Variants in FMN1 observed in about 807,000 individuals in gnomAD.
FMN1 encodes formin 1, also known as formin-1.
FMN1 carries 110 observed loss-of-function variants against 132.4 expected under a neutral mutation model. The observed-to-expected ratio is 0.83, with a 90% CI of 0.71 to 0.97. The LOEUF is 0.97. FMN1 is among the 50% of genes least tolerant of loss of function. FMN1 has a pLI of 0.00. For missense variants in FMN1, 1,792 were observed against 1,705.3 expected (o/e 1.05, Z -0.90); for synonymous variants, 722 against 651.7 (o/e 1.11, Z -1.64).
At position 33,155,045 on chromosome 15, in the gene FMN1, C is replaced by T; in HGVS notation, c.-131G>A. ...ACAGTCATCTCCAGCAATGAGACTGCCTGTTAGAGGAACAGGGGAAGAAAG... is the reference window on the plus strand; with the variant it reads ...ACAGTCATCTCCAGCAATGAGACTGTCTGTTAGAGGAACAGGGGAAGAAAG... On this transcript the variant is annotated splice_region_variant and 5_prime_UTR_variant, in exon 4 of 21. Transcript: ENST00000616417. The T allele has an allele frequency of 1.5e-6, 1 of 674,154 alleles. No individual in the cohort carries two copies. The highest frequency in any genetic ancestry group is 2.5e-6 in the Non-Finnish European group (1 of 405,604). 41.8% of individuals were successfully genotyped at this position (674,154 alleles called of 1,614,324 possible).
chr15:32,959,742 G>T (rs2030289158), intron 9 of FMN1, among the ~76,000 whole-genome samples: 1 of 152,106 alleles, frequency 6.6e-6, no homozygotes, highest in Non-Finnish European at 1.5e-5. Flanking sequence ...TATAAGAAAA[G>T]AAATAATAAA....
chr15:33,036,853 A>AC (rs2141097397), intron 6 of FMN1, among the ~76,000 whole-genome samples: 1 of 152,354 alleles, frequency 6.6e-6, no homozygotes, highest in African/African-American at 2.4e-5. Context: ...GTGCCAGAAT[A>AC]TCCATTTGTA....
intron 4 of FMN1, chr15:33,105,915 G>A (rs879431049): frequency 2.0e-5 from 3 of 152,024 alleles, no homozygotes; most frequent in African/African-American, 7.2e-5. Context: ...AGTGAGAAAG[G>A]GTTTGCAGTT....
intron 9 of FMN1, among the ~76,000 whole-genome samples, chr15:32,946,072 G>A (rs780835074): frequency 1.3e-5 from 2 of 152,184 alleles, no homozygotes; most frequent in East Asian, 1.9e-4. Flanking sequence ...AATATTCCAC[G>A]AAATGTTGGT....
At chr15:33,089,219 T>C (rs1718420559) in intron 4 of FMN1, among the ~76,000 whole-genome samples, 1 of 152,186 alleles carries the variant, frequency 6.6e-6, no homozygotes, top group South Asian at 2.1e-4. Context: ...CTATGCCCCA[T>C]ATTCTTGCTT....
intron 6 of FMN1, among the ~76,000 whole-genome samples, chr15:33,032,694 G>A (rs187948335): frequency 8.3e-4 from 127 of 152,278 alleles, no homozygotes; most frequent in African/African-American, 3.0e-3. Flanking sequence ...AAGCATTGAT[G>A]AGTTGATTTC....
At chr15:32,934,927 CTTT>C (rs71309472) in intron 9 of FMN1, among the ~76,000 whole-genome samples, 1 of 141,390 alleles carries the variant, frequency 7.1e-6, no homozygotes. Context: ...TTTTCTTTTT[CTTT>C]TTTTTTTTTT....
intron 4 of FMN1, among the ~76,000 whole-genome samples, chr15:33,126,459 C>T (rs773704953): frequency 4.6e-5 from 7 of 152,068 alleles, no homozygotes; most frequent in Non-Finnish European, 1.0e-4. Flanking sequence ...AGAGTGGATC[C>T]CATAACGTCC....
At chr15:33,190,163 C>G (rs1211051802) in intron 2 of FMN1, among the ~76,000 whole-genome samples, 1 of 152,194 alleles carries the variant, frequency 6.6e-6, no homozygotes. Context: ...TTTCTCCATT[C>G]TGGCTCAGCA....
chr15:33,036,709 A>G (rs1032431286), intron 6 of FMN1, among the ~76,000 whole-genome samples: 4 of 152,228 alleles, frequency 2.6e-5, no homozygotes, highest in African/African-American at 2.4e-5. Context: ...CAGGGTTATA[A>G]TAAGTATTAA....
intron 17 of FMN1, among the ~76,000 whole-genome samples, chr15:32,813,496 C>T (rs998871314): frequency 6.6e-6 from 1 of 152,092 alleles, no homozygotes; most frequent in Non-Finnish European, 1.5e-5. Flanking sequence ...ATTTACAATA[C>T]TGACAAAACA....
chr15:32,787,241 T>C (rs2056910720), intron 19 of FMN1, among the ~76,000 whole-genome samples: 2 of 152,234 alleles, frequency 1.3e-5, no homozygotes, highest in African/African-American at 2.4e-5. Flanking sequence ...GACTAGGCTA[T>C]GTGGAATGTT....
chr15:32,968,766 T>G lies in FMN1; in HGVS notation c.2935A>C (p.Ser979Arg). 1 of 1,605,992 alleles carries G rather than the reference T, an allele frequency of 6.2e-7. No individual in the cohort carries two copies. The highest frequency in any genetic ancestry group is 8.5e-7 in the Non-Finnish European group (1 of 1,177,016). ...CAATATAAAGGCTTCATGGGACAAC[T>G]GGGCTCGATGGCTGGTTTTCGAGGA... ...QCPRKPAIEP[S>R]CPMKPLYWTR... Residue 979 changes from serine to arginine, a missense_variant, in exon 8 of 21, where the codon AGT becomes CGT. Ser to Arg is a moderately radical substitution (Grantham distance 110). Transcript: ENST00000616417.
In FMN1 at chr15:33,065,029, G is replaced by A. The variant is rs1331712329; in HGVS notation, c.2089C>T (p.Leu697Phe). Residue 697 changes from leucine (L) to phenylalanine (F), a missense_variant, in exon 6 of 21, where the codon CTT becomes TTT. By Grantham distance (22) the Leu-to-Phe change is conservative (BLOSUM62 0). Transcript: ENST00000616417. ...TEQDDRTPGR[L>F]QAVWPPPKTK... is the part of the protein sequence containing the mutation. ...TTTGGGGGTGGCCAGACAGCTTGAA[G>A]TCTGCCAGGAGTCCTGTCATCCTGC... is the stretch of plus-strand genomic sequence containing the variant. The A allele has an allele frequency of 6.2e-7, 1 of 1,611,886 alleles. No individual in the cohort carries two copies. The highest frequency in any genetic ancestry group is 1.7e-5 in the Admixed American group (1 of 59,714).
At chr15:33,038,389 T>G (rs1276987793) in intron 6 of FMN1, among the ~76,000 whole-genome samples, 9 of 152,242 alleles carry the variant, frequency 5.9e-5, no homozygotes, top group Non-Finnish European at 1.3e-4. Flanking sequence ...ATGGTTCTTT[T>G]TCATCCCTTC....
At chr15:33,171,400 G>T (rs74633597) in intron 3 of FMN1, among the ~76,000 whole-genome samples, 6,058 of 152,194 alleles carry the variant, frequency 0.04, 148 homozygotes, top group East Asian at 0.1. Context: ...ATTGCTCAAG[G>T]AGACAGCTGT....
At position 32,928,203 on chromosome 15, in the gene FMN1, C is replaced by G. The variant is rs145374316; in HGVS notation, c.3139-1942G>C. 8.9e-4 allele frequency among the ~76,000 whole-genome samples: 136 copies of G among 151,998 alleles called. 1 individual carries two copies. Among genetic ancestry groups the G allele is most frequent in the African/African-American group, 3.2e-3 (132 of 41,472 alleles). ...TGTAAAGGAAAAAAATCTCATTTTT[C>G]AGTCAATATGTTTAAGCATGTCAAT... On this transcript the variant is annotated intron_variant, in intron 9 of 20. Transcript: ENST00000616417.
intron 9 of FMN1, among the ~76,000 whole-genome samples, chr15:32,957,321 T>G (rs2029911043): frequency 6.8e-6 from 1 of 147,952 alleles, no homozygotes; most frequent in Non-Finnish European, 1.5e-5. Context: ...TTTTTTTTTT[T>G]TTTTACAGGA....
rs1391871338 is a variant in FMN1, at chr15:33,072,846, C to T, written c.2044-7772G>A. On this transcript the variant is annotated intron_variant, in intron 5 of 20. Coordinates refer to ENST00000616417, the MANE Select transcript of FMN1 (RefSeq NM_001277313.2). ...GCTGAGGGAGGAGAATCACTTGAAC[C>T]CATGAGGTGGAGGCTGCAGTGAGCC... 4.0e-5 allele frequency among the ~76,000 whole-genome samples: 6 copies of T among 151,708 alleles called. No homozygotes were observed. In the East Asian group the frequency reaches 1.2e-3, roughly 30 times the overall value.
Sources: allele counts gnomAD v4.1 joint callset (sites outside exome capture counted in the v4.1 genomes callset), GRCh38; gene constraint gnomAD v4.1.1; transcripts MANE v1.5; gene names NCBI Gene and HGNC (gene_info 2026-07-23, HGNC 2026-07-21).